The following MAGI2 variants were observed in gnomAD, a reference collection of about 807,000 sequenced individuals.
MAGI2 encodes the protein membrane associated guanylate kinase, WW and PDZ domain containing 2, also known as membrane-associated guanylate kinase, WW and PDZ domain-containing protein 2.
In MAGI2, 35 loss-of-function variants were observed where a neutral mutation model predicts 133.3. The ratio of observed to expected loss-of-function variants is 0.26; its 90% CI spans 0.20 to 0.35. The LOEUF is 0.35. Ranked by LOEUF, MAGI2 falls within the 10% of genes least tolerant of loss-of-function variation. MAGI2 has a pLI of 1.00. For synonymous variants in MAGI2, 729 were observed against 710.6 expected (o/e 1.03, Z -0.41); for missense variants, 1,636 against 1,863.4 (o/e 0.88, Z 2.25).
chr7:78,462,834 C>G (rs555439305), intron 6 of MAGI2, among the ~76,000 whole-genome samples: 2 of 152,092 alleles, frequency 1.3e-5, no homozygotes, highest in Admixed American at 1.3e-4. Context: ...TTGACAAACC[C>G]GCGTGGTTCC....
intron 4 of MAGI2, among the ~76,000 whole-genome samples, chr7:78,510,516 A>G (rs1301704300): frequency 2.0e-5 from 3 of 152,192 alleles, no homozygotes; most frequent in Admixed American, 2.0e-4. Flanking sequence ...TACAGAAACA[A>G]AAGGTATGGT....
At chr7:79,151,364 C>A (rs1221722618) in intron 1 of MAGI2, among the ~76,000 whole-genome samples, 1 of 152,016 alleles carries the variant, frequency 6.6e-6, no homozygotes, top group East Asian at 1.9e-4. Context: ...AACGATGGAG[C>A]CCTATCTAGC....
chr7:78,029,722 T>C (rs1809367676), intron 21 of MAGI2, among the ~76,000 whole-genome samples: 1 of 152,118 alleles, frequency 6.6e-6, no homozygotes, highest in African/African-American at 2.4e-5. Flanking sequence ...GAAGAAGTGG[T>C]GTCTCTCAAA....
At chr7:78,075,947 C>G (rs76306995) in intron 21 of MAGI2, among the ~76,000 whole-genome samples, 4,177 of 152,212 alleles carry the variant, frequency 0.027, 204 homozygotes, top group African/African-American at 0.095. Context: ...GTTTTACTTC[C>G]TTAAAGGAGA....
At chr7:78,901,241 A>C (rs1330255856) in intron 2 of MAGI2, 2 of 152,218 alleles carry the variant, frequency 1.3e-5, no homozygotes, top group African/African-American at 4.8e-5. Context: ...TTTATATGTG[A>C]TTTGAAAAAT....
chr7:78,584,616 C>T (rs1454927814), intron 3 of MAGI2, among the ~76,000 whole-genome samples: 2 of 152,032 alleles, frequency 1.3e-5, no homozygotes, highest in African/African-American at 2.4e-5. Flanking sequence ...CAACCTAGAC[C>T]TAATGCAGTT....
At chr7:78,064,832 T>C (rs1216406387) in intron 21 of MAGI2, among the ~76,000 whole-genome samples, 1 of 152,236 alleles carries the variant, frequency 6.6e-6, no homozygotes, top group East Asian at 1.9e-4. Context: ...GTTGCAAGGC[T>C]ATCATCTACA....
intron 1 of MAGI2, among the ~76,000 whole-genome samples, chr7:79,267,092 C>T (rs1834521230): frequency 1.3e-5 from 2 of 152,060 alleles, no homozygotes; most frequent in Admixed American, 6.6e-5. Flanking sequence ...CTCCATGTAT[C>T]GATTTATGAT....
intron 21 of MAGI2, among the ~76,000 whole-genome samples, chr7:78,066,280 G>T (rs1813807039): frequency 6.6e-6 from 1 of 152,032 alleles, no homozygotes; most frequent in South Asian, 2.1e-4. Flanking sequence ...TGGCCAACAT[G>T]GTGAAACGCC....
intron 2 of MAGI2, among the ~76,000 whole-genome samples, chr7:78,861,102 A>G (rs1330573065): frequency 1.3e-5 from 2 of 152,134 alleles, no homozygotes; most frequent in African/African-American, 4.8e-5. Context: ...AAAGTGCAGT[A>G]TTAGGGTGGG....
At chr7:79,222,728 C>T (rs993119715) in intron 1 of MAGI2, among the ~76,000 whole-genome samples, 1 of 151,944 alleles carries the variant, frequency 6.6e-6, no homozygotes, top group African/African-American at 2.4e-5. Flanking sequence ...TGTACCTTTA[C>T]TAAAGATTTT....
intron 3 of MAGI2, among the ~76,000 whole-genome samples, chr7:78,565,507 T>G (rs191285496): frequency 6.6e-6 from 1 of 151,976 alleles, no homozygotes; most frequent in Non-Finnish European, 1.5e-5. Flanking sequence ...TTAATATATG[T>G]AAGATGTTCA....
chr7:78,426,278 T>C (rs1799265678), intron 6 of MAGI2, among the ~76,000 whole-genome samples: 1 of 152,150 alleles, frequency 6.6e-6, no homozygotes, highest in Non-Finnish European at 1.5e-5. Context: ...CTATTTCAAT[T>C]ACAGAGAGAA....
intron 1 of MAGI2, among the ~76,000 whole-genome samples, chr7:79,269,822 C>G (rs74966153): frequency 3.3e-5 from 5 of 152,008 alleles, no homozygotes; most frequent in African/African-American, 1.2e-4. Context: ...AAAAATAACC[C>G]CCTCCTTGCT....
At chr7:79,010,085 A>C (rs1182385736) in intron 1 of MAGI2, among the ~76,000 whole-genome samples, 4 of 152,030 alleles carry the variant, frequency 2.6e-5, no homozygotes, top group Non-Finnish European at 1.5e-5. Context: ...ATACACATAT[A>C]TTTTTGTGTA....
intron 1 of MAGI2, among the ~76,000 whole-genome samples, chr7:79,248,277 T>C (rs1297120205): frequency 1.3e-5 from 2 of 152,154 alleles, no homozygotes; most frequent in Non-Finnish European, 2.9e-5. Context: ...AGGAAGGTCA[T>C]TATATAATGA....
At chr7:78,232,888 A>G (rs1390788529) in intron 10 of MAGI2, among the ~76,000 whole-genome samples, 1 of 152,230 alleles carries the variant, frequency 6.6e-6, no homozygotes, top group Non-Finnish European at 1.5e-5. Context: ...CTAGGAGAAT[A>G]TGAATGCCAT....
At chr7:78,986,273 T>C (rs567183395) in intron 2 of MAGI2, among the ~76,000 whole-genome samples, 1 of 152,278 alleles carries the variant, frequency 6.6e-6, no homozygotes, top group Non-Finnish European at 1.5e-5. Flanking sequence ...AAGGCTAAAT[T>C]GTTTTTGTAT....
chr7:78,364,313 T>C (rs993638914), intron 7 of MAGI2, among the ~76,000 whole-genome samples: 22 of 152,250 alleles, frequency 1.4e-4, no homozygotes, highest in Non-Finnish European at 1.9e-4. Flanking sequence ...TTTAGAAAGC[T>C]ACTCAAAGCC....
Sources: gnomAD v4.1 joint callset for allele counts (sites outside exome capture counted in the v4.1 genomes callset) on GRCh38, gnomAD v4.1.1 for gene constraint, MANE v1.5 for transcripts, NCBI Gene and HGNC (gene_info 2026-07-23, HGNC 2026-07-21) for gene names.